KDM4A: variants seen among roughly 807,000 people sequenced by gnomAD.
KDM4A encodes the protein lysine demethylase 4A.
A neutral mutation model predicts 127.1 loss-of-function variants in KDM4A; 23 were observed. The ratio of observed to expected loss-of-function variants is 0.18; its 90% CI spans 0.13 to 0.26. The LOEUF (loss-of-function observed/expected upper bound fraction) is 0.26, where lower values mean the gene tolerates loss of function less well. KDM4A is among the 10% of genes least tolerant of loss of function. The pLI, the probability that KDM4A is intolerant of heterozygous loss-of-function variation, is 1.00. For synonymous variants in KDM4A, 443 were observed against 466.5 expected, an observed-to-expected ratio of 0.95 and a Z score of 0.65; for missense variants, 890 against 1,329.1, an observed-to-expected ratio of 0.67 and a Z score of 5.14.
rs1474260336 is a variant in KDM4A, at chr1:43,691,058, T to C, written c.2242+9T>C. Reference sequence around the variant, plus strand: ...CGTCCGGGTCCATGCCAGTGAGTGCTGCTCACCTTTCTCTGTGTCCTGTCC... The same window carrying C: ...CGTCCGGGTCCATGCCAGTGAGTGCCGCTCACCTTTCTCTGTGTCCTGTCC... On this transcript the variant is annotated intron_variant, in intron 14 of 21. Transcript: ENST00000372396. The C allele has an allele frequency of 5.0e-6, 8 of 1,613,570 alleles. No homozygotes were observed. Among genetic ancestry groups the C allele is most frequent in the Admixed American group, 1.7e-5 (1 of 60,026 alleles).
At chr1:43,665,787 A>G in intron 6 of KDM4A, 42 bp downstream of exon 6, 1 of 1,603,250 alleles carries the variant, frequency 6.2e-7, no homozygotes, top group Middle Eastern at 1.7e-4. Context: ...CCCTCCTATG[A>G]GCTGTGCTCC....
At position 43,704,398 on chromosome 1, in the gene KDM4A, G is replaced by T. The variant is rs368717803; in HGVS notation, c.*28G>T. ...GCTTCCAGGGTCCAAGGGATTCTCA[G>T]CCATCCAGGCAAGAGCACTCTGGGT... On this transcript the variant is annotated 3_prime_UTR_variant, in exon 22 of 22. Transcript: ENST00000372396. 1.3e-5 allele frequency: 21 copies of T among 1,605,534 alleles called. No homozygotes were observed. The African/African-American group carries it at 2.7e-4, about 20-fold the overall frequency.
intron 11 of KDM4A, among the ~76,000 whole-genome samples, chr1:43,678,587 G>T (rs982534596): frequency 7.4e-6 from 1 of 134,496 alleles, no homozygotes; most frequent in East Asian, 2.2e-4. Flanking sequence ...CTGCAGATAG[G>T]TTTTTTTTTT....
rs2154047172 is a variant in KDM4A, at chr1:43,667,987, G to A, written c.1131G>A (p.Val377=). ...EECPEEDMEG[V]EDGEEGDLKT... is the part of the protein sequence containing the mutation. ...GCCCAGAGGAGGACATGGAAGGGGT[G>A]GAGGATGGAGAGGAAGGAGACCTGA... The change falls in exon 9 of 22, where the codon GTG becomes GTA. Residue 377 remains valine, a synonymous_variant. Coordinates refer to ENST00000372396, the MANE Select transcript of KDM4A (RefSeq NM_014663.3). 1 of 1,614,148 alleles carries A rather than the reference G, an allele frequency of 6.2e-7. No individual in the cohort carries two copies. The highest frequency in any genetic ancestry group is 8.5e-7 in the Non-Finnish European group (1 of 1,180,016).
intron 19 of KDM4A, 26 bp from the exon 20 acceptor site, chr1:43,703,590 CA>C: frequency 1.2e-6 from 2 of 1,612,422 alleles, no homozygotes; most frequent in South Asian, 1.1e-5. Context: ...ACGTTCCTTT[CA>C]CCCTCCTTCC....
At chr1:43,684,864 T>A (rs1471987636) in intron 12 of KDM4A, among the ~76,000 whole-genome samples, 3 of 152,140 alleles carry the variant, frequency 2.0e-5, no homozygotes, top group African/African-American at 7.2e-5. Flanking sequence ...AATATGAAGG[T>A]CTGAAGTAGG....
intron 4 of KDM4A, among the ~76,000 whole-genome samples, chr1:43,661,338 G>T (rs1660371104): frequency 6.6e-6 from 1 of 151,666 alleles, no homozygotes; most frequent in South Asian, 2.1e-4. Flanking sequence ...GCCGGGTGTG[G>T]TGGCTCACAT....
Position 43,704,653 on chromosome 1 carries a change from T to C in KDM4A, c.*283T>C. 1 of 420,768 alleles carries C rather than the reference T, an allele frequency of 2.4e-6. No homozygotes were observed. Among genetic ancestry groups the C allele is most frequent in the East Asian group, 4.6e-5 (1 of 21,766 alleles). 26.1% of individuals were successfully genotyped at this position (420,768 alleles called of 1,614,324 possible). On this transcript the variant is annotated 3_prime_UTR_variant, in exon 22 of 22. Transcript: ENST00000372396. ...GGCCCCAGTCCATAGAGGGGTCAAC[T>C]ATGCTGGCTGGACTGGCTGCCTTGT...
chr1:43,690,725 C>T, intron 13 of KDM4A, 120 bp from the exon 14 acceptor site: 1 of 925,112 alleles, frequency 1.1e-6, no homozygotes. Context: ...GGCTGTGCAC[C>T]CGGGAGCTGT....
chr1:43,703,319 AC>A, intron 19 of KDM4A: 1 of 256,098 alleles, frequency 3.9e-6, no homozygotes, highest in South Asian at 5.5e-5. Context: ...CCGCAGGGGA[AC>A]AGTTGAGGGA....
Position 43,697,892 on chromosome 1 carries a change from G to A in KDM4A, c.2720G>A (p.Ser907Asn). The change falls in exon 19 of 22, where the codon AGC (serine) becomes AAC (asparagine). Residue 907 changes from serine to asparagine, a missense_variant. By Grantham distance (46) the Ser-to-Asn change is conservative. Around this residue, in one of 7 missense-constraint regions of KDM4A, gnomAD observed 246 missense variants for 418.4 expected, o/e 0.59. Coordinates refer to ENST00000372396, the MANE Select transcript of KDM4A (RefSeq NM_014663.3). ...QSITAGQKVI[S>N]KHKNGRFYQC... The stretch of plus-strand genomic sequence containing the variant: ...ATCACTGCAGGCCAGAAAGTCATTA[G>A]CAAGCATAAGAACGGGCGCTTCTAC... 1 of 1,613,934 alleles carries A rather than the reference G, an allele frequency of 6.2e-7. No homozygotes were observed. The highest frequency in any genetic ancestry group is 8.5e-7 in the Non-Finnish European group (1 of 1,180,006).
At chr1:43,675,001 G>C (rs1165255794) in intron 11 of KDM4A, among the ~76,000 whole-genome samples, 3 of 152,188 alleles carry the variant, frequency 2.0e-5, no homozygotes, top group African/African-American at 7.2e-5. Flanking sequence ...GTGGAAGTGT[G>C]CTAGGGGAAG....
chr1:43,655,533 A>T, intron 2 of KDM4A, 58 bp from the exon 3 acceptor site: 1 of 1,473,870 alleles, frequency 6.8e-7, no homozygotes, highest in Non-Finnish European at 9.2e-7. Context: ...TGCTTCCTGG[A>T]CTCTGACTGG....
At chr1:43,668,651 A>G (rs759093540) in intron 9 of KDM4A, among the ~76,000 whole-genome samples, 2 of 152,162 alleles carry the variant, frequency 1.3e-5, no homozygotes, top group Non-Finnish European at 2.9e-5. Context: ...ATCATATCAG[A>G]GAGTCTTTTA....
At chr1:43,690,078 T>C (rs1371321037) in intron 13 of KDM4A, among the ~76,000 whole-genome samples, 1 of 152,188 alleles carries the variant, frequency 6.6e-6, no homozygotes, top group African/African-American at 2.4e-5. Flanking sequence ...GCAATCAGTA[T>C]AGTTTGCCAA....
intron 3 of KDM4A, among the ~76,000 whole-genome samples, chr1:43,657,525 C>T (rs555830737): frequency 6.6e-6 from 1 of 152,096 alleles, no homozygotes; most frequent in South Asian, 2.1e-4. Flanking sequence ...AAACATCTAC[C>T]TTGCTGGCCA....
chr1:43,663,454 C>T (rs542554100), intron 5 of KDM4A, among the ~76,000 whole-genome samples: 5 of 152,150 alleles, frequency 3.3e-5, no homozygotes, highest in African/African-American at 9.6e-5. Context: ...GCTTTCTTTT[C>T]GTCATGGAAA....
Position 43,689,037 on chromosome 1 carries a change from C to T in KDM4A, c.1979C>T (p.Thr660Ile), listed in dbSNP as rs1414554605. 1.2e-6 allele frequency: 2 copies of T among 1,614,264 alleles called. No individual in the cohort carries two copies. Among genetic ancestry groups the T allele is most frequent in the East Asian group, 2.2e-5 (1 of 44,884 alleles). Reference protein sequence around the residue: ...NFEAEKEFNETMAQQAPHCAV... With the variant: ...NFEAEKEFNEIMAQQAPHCAV... ...GAGGCTGAGAAGGAATTCAATGAGA[C>T]CATGGCCCAACAGGCCCCTCACTGC... Residue 660 changes from threonine (T) to isoleucine (I), a missense_variant, in exon 13 of 22, where the codon ACC becomes ATC. Thr to Ile is a moderately conservative substitution (Grantham distance 89). Coordinates refer to ENST00000372396, the MANE Select transcript of KDM4A (RefSeq NM_014663.3).
intron 1 of KDM4A, among the ~76,000 whole-genome samples, chr1:43,651,215 AG>A (rs1429830916): frequency 8.5e-5 from 13 of 152,196 alleles, no homozygotes; most frequent in African/African-American, 3.1e-4. Context: ...TCTTTTTAAG[AG>A]GGTCTTCAAA....
Sources: gnomAD v4.1 joint callset for allele counts (sites outside exome capture counted in the v4.1 genomes callset) on GRCh38, gnomAD v4.1.1 for gene constraint, gnomAD v4.1.1 regional missense constraint, MANE v1.5 for transcripts, NCBI Gene and HGNC (gene_info 2026-07-23, HGNC 2026-07-21) for gene names.